Variants in NELL2 observed in about 807,000 individuals in gnomAD.
NELL2 encodes neural EGFL like 2.
Under a neutral mutation model 109.6 loss-of-function variants are expected in NELL2, and 41 were observed. The observed-to-expected ratio is 0.37, with a 90% CI of 0.29 to 0.49. The LOEUF is 0.49. Ranked by LOEUF, NELL2 falls within the 20% of genes least tolerant of loss-of-function variation. The pLI, the probability that NELL2 is intolerant of heterozygous loss-of-function variation, is 0.98. For missense variants in NELL2, 900 were observed against 1,008.3 expected (o/e 0.89, Z 1.45); for synonymous variants, 355 against 344.7 (o/e 1.03, Z -0.33).
At chr12:44,781,968 A>C (rs759840477) in intron 3 of NELL2, among the ~76,000 whole-genome samples, 5 of 152,008 alleles carry the variant, frequency 3.3e-5, no homozygotes, top group Non-Finnish European at 7.4e-5. Flanking sequence ...GGTAGAAAGA[A>C]CATAGTATGT....
rs540010590 is a variant in NELL2, at chr12:44,609,232, G to A, written c.1567+1616C>T. 5.3e-5 allele frequency among the ~76,000 whole-genome samples: 8 copies of A among 152,028 alleles called. No homozygotes were observed. In the South Asian group the frequency reaches 6.2e-4, roughly 12 times the overall value. ...CCCAAAGTGCTAGGATTACAGGTGT[G>A]AGCCACCAAGCCCAGTGAAAATAAG... On this transcript the variant is annotated intron_variant, in intron 14 of 19. Transcript: ENST00000429094.
chr12:44,769,700 G>C (rs893234585), intron 9 of NELL2, among the ~76,000 whole-genome samples: 1 of 151,938 alleles, frequency 6.6e-6, no homozygotes, highest in Non-Finnish European at 1.5e-5. Flanking sequence ...AGCCCAAATC[G>C]GCAAACTACC....
intron 3 of NELL2, among the ~76,000 whole-genome samples, chr12:44,800,652 T>G (rs548985315): frequency 4.6e-5 from 7 of 152,302 alleles, no homozygotes; most frequent in South Asian, 4.1e-4. Flanking sequence ...GTATTTCATT[T>G]GGCTTCCAAC....
At chr12:44,850,112 G>T (rs949394972) in intron 2 of NELL2, among the ~76,000 whole-genome samples, 1 of 152,026 alleles carries the variant, frequency 6.6e-6, no homozygotes, top group East Asian at 1.9e-4. Context: ...CAAGATTTGT[G>T]CATTTAATTG....
At position 44,777,988 on chromosome 12, in the gene NELL2, T is replaced by C. The variant is rs1345977864; in HGVS notation, c.607-674A>G. Among the ~76,000 whole-genome samples the C allele has an allele frequency of 3.3e-5, 5 of 152,308 alleles. No individual in the cohort carries two copies. The East Asian group carries it at 9.6e-4, about 29-fold the overall frequency. Reference sequence around the variant, plus strand: ...GCATACTTAGTCATTAAGGTATAATTAGCTTCCAGCTTGCTGGGCTCCTAA... The same window carrying C: ...GCATACTTAGTCATTAAGGTATAATCAGCTTCCAGCTTGCTGGGCTCCTAA... On this transcript the variant is annotated intron_variant, in intron 5 of 19. Coordinates refer to ENST00000429094, the MANE Select transcript of NELL2 (RefSeq NM_001145108.2).
At chr12:44,602,985 A>C (rs1428971102) in intron 15 of NELL2, among the ~76,000 whole-genome samples, 1 of 152,160 alleles carries the variant, frequency 6.6e-6, no homozygotes, top group Non-Finnish European at 1.5e-5. Flanking sequence ...AAACTTAAAA[A>C]AAATCAACCA....
intron 1 of NELL2, 124 bp from the exon 2 acceptor site, chr12:44,875,477 G>A (rs1220638990): frequency 1.2e-6 from 2 of 1,613,832 alleles, no homozygotes; most frequent in East Asian, 4.5e-5. Flanking sequence ...GATGAGAGGC[G>A]ACTGCCTCCT....
At chr12:44,664,048 T>A (rs1452383393) in intron 13 of NELL2, among the ~76,000 whole-genome samples, 1 of 152,152 alleles carries the variant, frequency 6.6e-6, no homozygotes, top group African/African-American at 2.4e-5. Context: ...CAGTTTTATC[T>A]TAGTTTTCTT....
intron 12 of NELL2, among the ~76,000 whole-genome samples, chr12:44,676,828 G>A (rs2136360563): frequency 6.6e-6 from 1 of 152,168 alleles, no homozygotes; most frequent in African/African-American, 2.4e-5. Context: ...GGGGAACAAA[G>A]GCATGTGTAG....
chr12:44,808,642 T>C (rs1310801276), intron 3 of NELL2, among the ~76,000 whole-genome samples: 1 of 152,056 alleles, frequency 6.6e-6, no homozygotes, highest in Non-Finnish European at 1.5e-5. Context: ...GTAGCTTTTA[T>C]GTCAGTCTAT....
chr12:44,662,934 G>A (rs886388559), intron 13 of NELL2, among the ~76,000 whole-genome samples: 7 of 152,160 alleles, frequency 4.6e-5, no homozygotes, highest in Non-Finnish European at 1.0e-4. Context: ...GCTCAGCAGT[G>A]ATGGTTTGAC....
At chr12:44,856,476 A>G (rs541621629) in intron 2 of NELL2, among the ~76,000 whole-genome samples, 1 of 152,354 alleles carries the variant, frequency 6.6e-6, no homozygotes, top group Admixed American at 6.5e-5. Context: ...AGACAAGTTG[A>G]AATTTTACTC....
At chr12:44,523,576 A>G (rs1941636461) in intron 16 of NELL2, 92 bp from the exon 17 acceptor site, 4 of 1,019,960 alleles carry the variant, frequency 3.9e-6, no homozygotes, top group Admixed American at 2.2e-5. Flanking sequence ...GACATAAGGT[A>G]TTCAACTGTA....
At chr12:44,832,676 A>G (rs1943924150) in intron 2 of NELL2, among the ~76,000 whole-genome samples, 1 of 152,216 alleles carries the variant, frequency 6.6e-6, no homozygotes, top group Admixed American at 6.5e-5. Context: ...ACCTATTTTA[A>G]TATTATGATT....
At chr12:44,835,113 G>A (rs1161127823) in intron 2 of NELL2, among the ~76,000 whole-genome samples, 2 of 152,042 alleles carry the variant, frequency 1.3e-5, no homozygotes, top group African/African-American at 4.8e-5. Flanking sequence ...GCTGCTCCAG[G>A]GGCAGGGTGG....
chr12:44,886,383 A>T (rs765572129), intron 1 of NELL2, among the ~76,000 whole-genome samples: 27 of 151,970 alleles, frequency 1.8e-4, no homozygotes, highest in Non-Finnish European at 2.5e-4. Context: ...GATACCATCA[A>T]GAAAATTAAA....
intron 13 of NELL2, among the ~76,000 whole-genome samples, chr12:44,617,670 C>G (rs1435779981): frequency 3.1e-5 from 2 of 65,254 alleles, no homozygotes; most frequent in African/African-American, 2.4e-4. Flanking sequence ...CCAGCCTGGG[C>G]GACAGAGCGA....
At chr12:44,643,298 T>C (rs1054382197) in intron 13 of NELL2, among the ~76,000 whole-genome samples, 10 of 152,198 alleles carry the variant, frequency 6.6e-5, no homozygotes, top group Admixed American at 5.9e-4. Context: ...GTTTATTTTA[T>C]AGAGCTACAA....
At chr12:44,749,101 C>T (rs1473758072) in intron 9 of NELL2, among the ~76,000 whole-genome samples, 1 of 152,126 alleles carries the variant, frequency 6.6e-6, no homozygotes, top group African/African-American at 2.4e-5. Context: ...ACTTCATTAA[C>T]ATTGACAAGG....
Sources: gnomAD v4.1 joint callset for allele counts (sites outside exome capture counted in the v4.1 genomes callset) on GRCh38, gnomAD v4.1.1 for gene constraint, MANE v1.5 for transcripts, NCBI Gene and HGNC (gene_info 2026-07-23, HGNC 2026-07-21) for gene names.